The following C16orf96 variants were observed in gnomAD, a reference collection of about 807,000 sequenced individuals.
C16orf96 encodes the protein uncharacterized protein C16orf96.
C16orf96 carries 108 observed loss-of-function variants against 103.6 expected under a neutral mutation model. The observed-to-expected ratio is 1.04, with a 90% CI of 0.89 to 1.22. The LOEUF (loss-of-function observed/expected upper bound fraction) is 1.22, where lower values mean the gene tolerates loss of function less well. C16orf96 is among the 50% of genes most tolerant of loss of function. The pLI is 0.00. For synonymous variants in C16orf96, 566 were observed against 593.5 expected (o/e 0.95, Z 0.67); for missense variants, 1,586 against 1,464.2 (o/e 1.08, Z -1.36).
In C16orf96 at chr16:4,597,705, C is replaced by T. The variant is rs750088692; in HGVS notation, c.3128-1579C>T. 5.9e-5 allele frequency among the ~76,000 whole-genome samples: 9 copies of T among 152,020 alleles called. No homozygotes were observed. The East Asian group carries it at 9.7e-4, about 16-fold the overall frequency. Reference sequence around the variant, plus strand: ...CCAAGTGACTGGAACTACAGGCGTGCGCCACCACGCCTGGATAATTTTTGT... The same window carrying T: ...CCAAGTGACTGGAACTACAGGCGTGTGCCACCACGCCTGGATAATTTTTGT... On this transcript the variant is annotated intron_variant, in intron 14 of 15. Transcript: ENST00000444310.
At chr16:4,583,413 G>T (rs1243519450) in intron 7 of C16orf96, among the ~76,000 whole-genome samples, 1 of 152,134 alleles carries the variant, frequency 6.6e-6, no homozygotes, top group Non-Finnish European at 1.5e-5. Flanking sequence ...GGCTGAGGCA[G>T]GAGAATCACT....
the C16orf96 span, among the ~76,000 whole-genome samples, chr16:4,541,738 T>C: frequency 6.6e-6 from 1 of 152,222 alleles, no homozygotes; most frequent in African/African-American, 2.4e-5. Flanking sequence ...AAGAAGGTGG[T>C]GATTTGCCTT....
At chr16:4,540,046 C>T in the C16orf96 span, among the ~76,000 whole-genome samples, 2 of 152,222 alleles carry the variant, frequency 1.3e-5, no homozygotes, top group East Asian at 3.8e-4. Context: ...ATTCAGCCAG[C>T]TCTGTGTGGA....
the C16orf96 span, among the ~76,000 whole-genome samples, chr16:4,548,615 G>A: frequency 6.6e-6 from 1 of 152,170 alleles, no homozygotes. Flanking sequence ...GCTCATTCCT[G>A]TAATCCCAGC....
At position 4,574,690 on chromosome 16, in the gene C16orf96, G is replaced by T; in HGVS notation, c.526-19G>T. Reference sequence around the variant, plus strand: ...ACAGAACCTGGACCCCCAGTCCACAGACTCAGTTCCTTTGACAGGTACACC... The same window carrying T: ...ACAGAACCTGGACCCCCAGTCCACATACTCAGTTCCTTTGACAGGTACACC... On this transcript the variant is annotated intron_variant, in intron 2 of 15. Transcript: ENST00000444310. The T allele has an allele frequency of 6.5e-7, 1 of 1,548,640 alleles. No homozygotes were observed. Among genetic ancestry groups the T allele is most frequent in the South Asian group, 1.2e-5 (1 of 83,944 alleles).
chr16:4,587,558 AAAAAGAAAG>A (rs1054439924), intron 8 of C16orf96, among the ~76,000 whole-genome samples: 1 of 151,292 alleles, frequency 6.6e-6, no homozygotes, highest in African/African-American at 2.4e-5. Context: ...AGAAAGAAAG[AAAAAGAAAG>A]AAAAGAAAGG....
intron 1 of C16orf96, among the ~76,000 whole-genome samples, chr16:4,562,078 C>T (rs985811352): frequency 6.6e-6 from 1 of 152,176 alleles, no homozygotes. Flanking sequence ...TGAGATGCAT[C>T]GCCACTGCAT....
rs549649735 is a variant in C16orf96 at position 4,577,767 on chromosome 16, C to T, written c.2155+1132C>T. Among the ~76,000 whole-genome samples the T allele has an allele frequency of 7.2e-5, 11 of 152,240 alleles. No homozygotes were observed. The South Asian group carries it at 1.5e-3, about 20-fold the overall frequency. Reference sequence around the variant, plus strand: ...AGTCAGGAGTTCGAGACCAGCCTGGCCAACATAGCGAAACTCCGTCTCGAC... The same window carrying T: ...AGTCAGGAGTTCGAGACCAGCCTGGTCAACATAGCGAAACTCCGTCTCGAC... On this transcript the variant is annotated intron_variant, in intron 5 of 15. Transcript: ENST00000444310.
At chr16:4,559,815 C>T (rs1021758334) in intron 1 of C16orf96, among the ~76,000 whole-genome samples, 1 of 152,072 alleles carries the variant, frequency 6.6e-6, no homozygotes, top group African/African-American at 2.4e-5. Context: ...ACGGATTTGC[C>T]TATTCTGGAC....
chr16:4,585,662 A>G (rs1896908858), intron 7 of C16orf96, among the ~76,000 whole-genome samples: 1 of 152,176 alleles, frequency 6.6e-6, no homozygotes, highest in Non-Finnish European at 1.5e-5. Flanking sequence ...GCTGCGGCAA[A>G]TCACTCTTGG....
chr16:4,599,566 C>T (rs1897242695), intron 15 of C16orf96, among the ~76,000 whole-genome samples: 2 of 152,332 alleles, frequency 1.3e-5, no homozygotes, highest in African/African-American at 4.8e-5. Flanking sequence ...AAGCATCTGT[C>T]CCCAGCGTCC....
At chr16:4,544,072 G>T in the C16orf96 span, among the ~76,000 whole-genome samples, 39 of 152,304 alleles carry the variant, frequency 2.6e-4, no homozygotes, top group East Asian at 7.3e-3. Context: ...CTAAGGAGGG[G>T]TCATAGAGGG....
intron 5 of C16orf96, among the ~76,000 whole-genome samples, chr16:4,577,862 A>G (rs1034198044): frequency 6.6e-6 from 1 of 152,216 alleles, no homozygotes; most frequent in South Asian, 2.1e-4. Context: ...AGGCTGAGAC[A>G]GGAGAAACAC....
In C16orf96 at chr16:4,578,939, G is replaced by A; in HGVS notation, c.2156-1G>A. 7 of 1,551,198 alleles carry A rather than the reference G, an allele frequency of 4.5e-6. No homozygotes were observed. The highest frequency in any genetic ancestry group is 6.1e-6 in the Non-Finnish European group (7 of 1,146,784). On this transcript the variant is annotated splice_acceptor_variant, in intron 5 of 15. Coordinates refer to ENST00000444310, the MANE Select transcript of C16orf96 (RefSeq NM_001145011.2). LOFTEE classifies it high-confidence loss of function. ...GCAGCCACCCTGTCCTCTGCTTTCA[G>A]CCAATATGGGAGGTCCTTCCAGCCT...
chr16:4,548,876 C>CA, the C16orf96 span, among the ~76,000 whole-genome samples: 42,179 of 132,988 alleles, frequency 0.32, 8,852 homozygotes, highest in African/African-American at 0.59. Flanking sequence ...GTGAGACTCT[C>CA]AAAAAAAAAA....
At chr16:4,599,451 C>T (rs568694945) in intron 15 of C16orf96, 87 bp downstream of exon 15, 294 of 1,179,832 alleles carry the variant, frequency 2.5e-4, no homozygotes, top group Non-Finnish European at 3.1e-4. Flanking sequence ...CCCCACACCC[C>T]GCCTGGGCTC....
chr16:4,590,385 A>T (rs1215595893), intron 9 of C16orf96, among the ~76,000 whole-genome samples: 1 of 149,242 alleles, frequency 6.7e-6, no homozygotes, highest in Non-Finnish European at 1.5e-5. Flanking sequence ...ATGGTGAAAC[A>T]CTGTCTCTAC....
the C16orf96 span, among the ~76,000 whole-genome samples, chr16:4,547,086 G>A: frequency 1.1e-4 from 17 of 152,248 alleles, no homozygotes; most frequent in Admixed American, 8.5e-4. Flanking sequence ...CACCGCCCCC[G>A]GTGAAAGAAG....
At chr16:4,581,711 G>A (rs751587142) in intron 7 of C16orf96, among the ~76,000 whole-genome samples, 1 of 152,106 alleles carries the variant, frequency 6.6e-6, no homozygotes, top group Non-Finnish European at 1.5e-5. Context: ...TGGGTGCAGA[G>A]GCTTAAACCT....
Sources: allele counts gnomAD v4.1 joint callset (sites outside exome capture counted in the v4.1 genomes callset), GRCh38; gene constraint gnomAD v4.1.1; transcripts MANE v1.5; gene names NCBI Gene and HGNC (gene_info 2026-07-23, HGNC 2026-07-21).